PALMD: variants seen among roughly 807,000 people sequenced by gnomAD.
PALMD encodes palmdelphin, also known as paralemmin-like protein.
In PALMD, 42 loss-of-function variants were observed where a neutral mutation model predicts 56.2. That is an observed-to-expected ratio of 0.75 (90% CI 0.58 to 0.97). The LOEUF (loss-of-function observed/expected upper bound fraction) is 0.97. Among genes scored for constraint, PALMD ranks in the 50% least tolerant of loss-of-function variants. The probability of loss-of-function intolerance (pLI) is 0.00; values close to 1 mark genes in which losing one functional copy is unlikely to be tolerated. For synonymous variants in PALMD, 242 were observed against 222.9 expected (o/e 1.09, Z -0.76); for missense variants, 660 against 643.8 (o/e 1.03, Z -0.27).
rs369755735 is a variant in PALMD at position 99,671,636 on chromosome 1, C to A, written c.251+3870C>A. 3.6e-4 allele frequency among the ~76,000 whole-genome samples: 55 copies of A among 152,264 alleles called. 1 individual carries two copies. Among genetic ancestry groups the A allele is most frequent in the South Asian group, 3.5e-3 (17 of 4,814 alleles). ...CTTGGAGTAAACTGAGAATACCAAC[C>A]AATGAGGATTCTTTCCATTTGGAAA... is the stretch of plus-strand genomic sequence containing the variant. On this transcript the variant is annotated intron_variant, in intron 3 of 7. Transcript: ENST00000263174.
chr1:99,667,005 TATAAC>T (rs911601820), intron 2 of PALMD, among the ~76,000 whole-genome samples: 4 of 152,182 alleles, frequency 2.6e-5, no homozygotes, highest in Non-Finnish European at 4.4e-5. Flanking sequence ...TAAGAATGTC[TATAAC>T]CAGGGAGATT....
intron 1 of PALMD, among the ~76,000 whole-genome samples, chr1:99,647,482 G>A (rs961557691): frequency 6.6e-6 from 1 of 152,186 alleles, no homozygotes; most frequent in African/African-American, 2.4e-5. Flanking sequence ...GAAGTCTATT[G>A]ATAAGGTTGG....
intron 3 of PALMD, among the ~76,000 whole-genome samples, chr1:99,679,698 C>G (rs1653295522): frequency 6.6e-6 from 1 of 152,154 alleles, no homozygotes. Context: ...AATGTTGTGT[C>G]TAAGCTCCTA....
intron 1 of PALMD, among the ~76,000 whole-genome samples, chr1:99,647,700 G>GCTGTTGT (rs1652473901): frequency 1.3e-5 from 2 of 152,230 alleles, no homozygotes; most frequent in Non-Finnish European, 2.9e-5. Context: ...TTACATTACA[G>GCTGTTGT]CTGTTGTCTA....
chr1:99,646,893 C>T (rs1186953951), intron 1 of PALMD, among the ~76,000 whole-genome samples: 3 of 151,938 alleles, frequency 2.0e-5, no homozygotes, highest in African/African-American at 7.3e-5. Flanking sequence ...AAGCATTAAA[C>T]AAGAGAAAAC....
In PALMD at chr1:99,686,742, T is replaced by G; in HGVS notation, c.318T>G (p.Ile106Met). The G allele has an allele frequency of 6.2e-7, 1 of 1,609,248 alleles. No individual in the cohort carries two copies. Among genetic ancestry groups the G allele is most frequent in the Non-Finnish European group, 8.5e-7 (1 of 1,176,596 alleles). Residue 106 changes from isoleucine to methionine, a missense_variant, in exon 4 of 8, where the codon ATT becomes ATG. Physicochemically the swap from Ile to Met is conservative, Grantham distance 10. Transcript: ENST00000263174. ...ELQISTKEEA[I>M]LKKLKSIERT... is the part of the protein sequence containing the mutation. ...AAATCTCAACGAAGGAAGAGGCCAT[T>G]TTAAAGAAACTAAAGTCAATTGAGC...
At chr1:99,653,615 C>T (rs978338077) in intron 1 of PALMD, among the ~76,000 whole-genome samples, 1 of 152,154 alleles carries the variant, frequency 6.6e-6, no homozygotes, top group African/African-American at 2.4e-5. Context: ...TAGATGCAGA[C>T]ATAATTATTG....
intron 1 of PALMD, among the ~76,000 whole-genome samples, chr1:99,654,001 C>G (rs1414297780): frequency 1.3e-5 from 2 of 151,992 alleles, no homozygotes; most frequent in African/African-American, 4.8e-5. Context: ...CTATAATGTC[C>G]CTTATTTGAG....
chr1:99,651,137 A>T (rs182977223), intron 1 of PALMD, among the ~76,000 whole-genome samples: 1 of 151,884 alleles, frequency 6.6e-6, no homozygotes, highest in Non-Finnish European at 1.5e-5. Context: ...GGAATATTCA[A>T]CAATGAAACC....
intron 2 of PALMD, among the ~76,000 whole-genome samples, chr1:99,666,865 G>A (rs1037548332): frequency 6.6e-6 from 1 of 152,042 alleles, no homozygotes. Flanking sequence ...CCAGGTCCAG[G>A]CGTTTAATTT....
At chr1:99,670,993 C>T (rs1191635785) in intron 3 of PALMD, among the ~76,000 whole-genome samples, 1 of 152,158 alleles carries the variant, frequency 6.6e-6, no homozygotes, top group Non-Finnish European at 1.5e-5. Flanking sequence ...CTCTTATTAC[C>T]AGCTAAATCA....
chr1:99,671,131 C>T (rs561008469), intron 3 of PALMD, among the ~76,000 whole-genome samples: 2 of 152,286 alleles, frequency 1.3e-5, no homozygotes, highest in African/African-American at 4.8e-5. Flanking sequence ...ACTTGACTTA[C>T]GTGCCTGCTC....
chr1:99,671,871 C>A (rs538798233), intron 3 of PALMD, among the ~76,000 whole-genome samples: 1 of 152,180 alleles, frequency 6.6e-6, no homozygotes, highest in Non-Finnish European at 1.5e-5. Context: ...AGTCATACAG[C>A]AAAACGTAAA....
intron 1 of PALMD, among the ~76,000 whole-genome samples, chr1:99,650,342 A>G (rs1652540077): frequency 6.8e-6 from 1 of 147,052 alleles, no homozygotes; most frequent in African/African-American, 2.5e-5. Flanking sequence ...CCCCTGATCA[A>G]CTCCCTACTG....
intron 3 of PALMD, among the ~76,000 whole-genome samples, chr1:99,674,770 G>C (rs1653165420): frequency 1.3e-5 from 2 of 152,156 alleles, no homozygotes; most frequent in South Asian, 4.1e-4. Context: ...CATGAGTAAA[G>C]ACAAAACAAA....
chr1:99,650,333 C>CCCTGATCAA (rs1652539839), intron 1 of PALMD, among the ~76,000 whole-genome samples: 1 of 149,174 alleles, frequency 6.7e-6, no homozygotes, highest in Admixed American at 6.7e-5. Context: ...CTCACATTTC[C>CCCTGATCAA]CCTGATCAAC....
chr1:99,674,744 T>C (rs1162392603), intron 3 of PALMD, among the ~76,000 whole-genome samples: 1 of 152,208 alleles, frequency 6.6e-6, no homozygotes, highest in Non-Finnish European at 1.5e-5. Context: ...TTGTCATAAA[T>C]CTTTGGCTGT....
At position 99,672,317 on chromosome 1, in the gene PALMD, C is replaced by T. The variant is rs530093526; in HGVS notation, c.251+4551C>T. Among the ~76,000 whole-genome samples, 5 of 152,208 alleles carry T rather than the reference C, an allele frequency of 3.3e-5. No homozygotes were observed. In the East Asian group the frequency reaches 5.8e-4, roughly 18 times the overall value. On this transcript the variant is annotated intron_variant, in intron 3 of 7. Coordinates refer to ENST00000263174, the MANE Select transcript of PALMD (RefSeq NM_017734.5). ...GTTCCCAGGGGAAGCCTATATTGAA[C>T]GTCTCCTTCTGAATCACTTTGCTTA...
chr1:99,652,694 G>GAAAAGAAAAGAAAA (rs1334929003), intron 1 of PALMD, among the ~76,000 whole-genome samples: 103 of 86,388 alleles, frequency 1.2e-3, no homozygotes, highest in African/African-American at 4.0e-3. Context: ...GGAAAGGAAA[G>GAAAAGAAAAGAAAA]GAAAAGAAAA....
Sources: gnomAD v4.1 joint callset for allele counts (sites outside exome capture counted in the v4.1 genomes callset) on GRCh38, gnomAD v4.1.1 for gene constraint, MANE v1.5 for transcripts, NCBI Gene and HGNC (gene_info 2026-07-23, HGNC 2026-07-21) for gene names.